GSDME: variants seen among roughly 807,000 people sequenced by gnomAD.
The protein encoded by GSDME is gasdermin-E.
GSDME carries 44 observed loss-of-function variants against 47.5 expected under a neutral mutation model. That is an observed-to-expected ratio of 0.93 (90% CI 0.73 to 1.19). The LOEUF is 1.19. Ranked by LOEUF, GSDME falls within the 50% of genes most tolerant of loss-of-function variation. The pLI is 0.00. For missense variants in GSDME, 663 were observed against 604.2 expected (o/e 1.10, Z -1.02); for synonymous variants, 258 against 252.8 (o/e 1.02, Z -0.20).
Position 24,744,920 on chromosome 7 carries a change from GCA to G in GSDME, c.212-168_212-167del, listed in dbSNP as rs1374766241. Among the ~76,000 whole-genome samples the G allele has an allele frequency of 2.1e-5, 2 of 93,056 alleles. No homozygotes were observed. The highest frequency in any genetic ancestry group is 4.2e-5 in the Non-Finnish European group (2 of 47,260). The allele number at this position is 93,056 out of a possible 152,430, so 61.0% of individuals were successfully genotyped here. On this transcript the variant is annotated intron_variant, in intron 2 of 9. Transcript: ENST00000645220. This position sits in a 1 kb window ranked among gnomAD's most constrained non-coding sequence, Gnocchi z 4.5. ...TGTGTGTGGGCAAGAAAACAGGGCA[GCA>G]CGTGTGTGTGTGTGTGTGTGTGTGT...
At position 24,749,663 on chromosome 7, in the gene GSDME, T is replaced by C; in HGVS notation, c.112A>G (p.Thr38Ala). Residue 38 changes from threonine to alanine, a missense_variant, in exon 2 of 10, where the codon ACA becomes GCA. Coordinates refer to ENST00000645220, the MANE Select transcript of GSDME (RefSeq NM_001127453.2). ...SDKLQLLSLV[T>A]KKKRFWCWQR... The stretch of plus-strand genomic sequence containing the variant: ...CAGCACCAGAATCTCTTCTTTTTTG[T>C]CACCAGACTTAGAAGCTGTAACTTA... 1.2e-6 allele frequency: 2 copies of C among 1,614,146 alleles called. No individual in the cohort carries two copies. The highest frequency in any genetic ancestry group is 3.3e-5 in the Admixed American group (2 of 60,024).
rs772906680 is a variant in GSDME, at chr7:24,715,563, A to ACATAG, written c.697+1686_697+1690dup. Reference sequence around the variant, plus strand: ...AGACTGGACAGGACCACCAAGGCAGACATAGGGGGGCTAGAAACCCAAAAG... The same window carrying ACATAG: ...AGACTGGACAGGACCACCAAGGCAGACATAGCATAGGGGGGCTAGAAACCCAAAAG... On this transcript the variant is annotated intron_variant, in intron 5 of 9. Transcript: ENST00000645220. 33 of 463,438 alleles carry ACATAG rather than the reference A, an allele frequency of 7.1e-5. 1 individual carries two copies. The highest frequency in any genetic ancestry group is 2.6e-4 in the Admixed American group (11 of 41,568). The allele number at this position is 463,438 out of a possible 1,614,324, so 28.7% of individuals were successfully genotyped here. A position where few individuals can be genotyped will look rare whatever the true frequency, so the allele number is the denominator to read the frequency against.
chr7:24,783,854 G>A, the GSDME span, among the ~76,000 whole-genome samples: 2 of 152,134 alleles, frequency 1.3e-5, no homozygotes, highest in African/African-American at 4.8e-5. Flanking sequence ...CATTTACTGA[G>A]ACAGAGAAGA....
the GSDME span, among the ~76,000 whole-genome samples, chr7:24,775,658 C>A: frequency 2.8e-4 from 43 of 151,362 alleles, no homozygotes; most frequent in Non-Finnish European, 4.6e-4. Flanking sequence ...GCGGATTGCT[C>A]GAGGTCAGGA....
At chr7:24,720,570 A>G (rs1440759398) in intron 3 of GSDME, among the ~76,000 whole-genome samples, 1 of 152,226 alleles carries the variant, frequency 6.6e-6, no homozygotes, top group African/African-American at 2.4e-5. Context: ...AGATGAATGG[A>G]GAAACAAAAT....
At chr7:24,707,241 A>G (rs1789147778) in intron 7 of GSDME, 1 of 463,664 alleles carries the variant, frequency 2.2e-6, no homozygotes, top group Admixed American at 2.5e-5. Context: ...AACTCCCTGC[A>G]TAATATAATA....
rs543066389 is a variant in GSDME, at chr7:24,728,837, G to C, written c.405-9619C>G. Among the ~76,000 whole-genome samples the C allele has an allele frequency of 6.6e-6, 1 of 152,182 alleles. No homozygotes were observed. Among genetic ancestry groups the C allele is most frequent in the African/African-American group, 2.4e-5 (1 of 41,436 alleles). ...AGAAACCTCAACTCCTGTGCCCTGGGCCTCCACTTCCAACACAGTGAGATA... is the reference window on the plus strand; with the variant it reads ...AGAAACCTCAACTCCTGTGCCCTGGCCCTCCACTTCCAACACAGTGAGATA... On this transcript the variant is annotated intron_variant, in intron 3 of 9. Coordinates refer to ENST00000645220, the MANE Select transcript of GSDME (RefSeq NM_001127453.2). This position sits in a 1 kb window ranked among gnomAD's most constrained non-coding sequence, Gnocchi z 7.2.
At chr7:24,703,657 G>A (rs186547178) in intron 8 of GSDME, 1 of 153,210 alleles carries the variant, frequency 6.5e-6, no homozygotes, top group Non-Finnish European at 1.5e-5. Context: ...AGCCTTATTT[G>A]TAAAGACAGT....
the GSDME span, among the ~76,000 whole-genome samples, chr7:24,767,094 C>T: frequency 5.3e-5 from 8 of 152,126 alleles, no homozygotes; most frequent in Admixed American, 4.6e-4. This position sits in a 1 kb window ranked among gnomAD's most constrained non-coding sequence, Gnocchi z 5.3. Context: ...GAGGCCAAAG[C>T]GGGGTGATCA....
intron 5 of GSDME, 67 bp downstream of exon 5, chr7:24,717,187 G>A (rs1360383125): frequency 1.6e-6 from 2 of 1,236,356 alleles, no homozygotes; most frequent in East Asian, 6.3e-5. Context: ...CTGGAAAGCA[G>A]TCAAGTCCCT....
chr7:24,790,402 T>C, the GSDME span, among the ~76,000 whole-genome samples: 28 of 152,292 alleles, frequency 1.8e-4, no homozygotes, highest in Admixed American at 7.8e-4. The surrounding 1 kb of genome is among the most constrained non-coding windows in gnomAD (Gnocchi z 4.1). Flanking sequence ...CAATTACCTA[T>C]AGCTATGCTT....
In GSDME at chr7:24,708,123, T is replaced by C. The variant is rs1324836916; in HGVS notation, c.990+4A>G. 2.5e-6 allele frequency: 4 copies of C among 1,614,030 alleles called. No individual in the cohort carries two copies. Among genetic ancestry groups the C allele is most frequent in the African/African-American group, 1.3e-5 (1 of 74,900 alleles). ...ACACTGCCTTGAGATGTCTCAGGGCTCACCACTGGTTCCAGGACCATGAGT... is the reference window on the plus strand; with the variant it reads ...ACACTGCCTTGAGATGTCTCAGGGCCCACCACTGGTTCCAGGACCATGAGT... On this transcript the variant is annotated splice_donor_region_variant and intron_variant, in intron 7 of 9. Coordinates refer to ENST00000645220, the MANE Select transcript of GSDME (RefSeq NM_001127453.2).
chr7:24,748,744 GA>G lies in GSDME; in HGVS notation c.211+819del, dbSNP rs372395333. 3.7e-3 allele frequency among the ~76,000 whole-genome samples: 565 copies of G among 152,166 alleles called. 4 individuals carry two copies. The highest frequency in any genetic ancestry group is 0.013 in the African/African-American group (553 of 41,500). On this transcript the variant is annotated intron_variant, in intron 2 of 9. Coordinates refer to ENST00000645220, the MANE Select transcript of GSDME (RefSeq NM_001127453.2). ...CAGGTGCTCTGTCCATGGTGTCAGT[GA>G]AAGCTCAAACCACATAAGCCCATCC...
At chr7:24,771,563 G>T in the GSDME span, among the ~76,000 whole-genome samples, 3 of 152,190 alleles carry the variant, frequency 2.0e-5, no homozygotes, top group Non-Finnish European at 2.9e-5. This position sits in a 1 kb window ranked among gnomAD's most constrained non-coding sequence, Gnocchi z 4.1. Context: ...CCACTTACTG[G>T]CTGTGTGACC....
chr7:24,762,096 A>T (rs1004431745), upstream of GSDME, among the ~76,000 whole-genome samples: 15 of 152,140 alleles, frequency 9.9e-5, no homozygotes, highest in Non-Finnish European at 1.8e-4. Context: ...TGTACTAAAA[A>T]TGCAAAAAAT....
upstream of GSDME, among the ~76,000 whole-genome samples, chr7:24,759,828 G>T (rs538490304): frequency 6.6e-6 from 1 of 152,278 alleles, no homozygotes; most frequent in Admixed American, 6.5e-5. Context: ...TGCTCTCCCT[G>T]TCCAATGGTG....
At chr7:24,731,879 A>T (rs1046714082) in intron 3 of GSDME, among the ~76,000 whole-genome samples, 6 of 151,956 alleles carry the variant, frequency 3.9e-5, no homozygotes, top group African/African-American at 1.2e-4. Context: ...TATTCCTTAA[A>T]CCCTCCCTCT....
At chr7:24,702,118 C>G (rs1788893938) in intron 9 of GSDME, among the ~76,000 whole-genome samples, 1 of 152,252 alleles carries the variant, frequency 6.6e-6, no homozygotes, top group Admixed American at 6.5e-5. Flanking sequence ...GCAAAAGCTA[C>G]ACAAGACTAG....
chr7:24,715,999 C>G (rs748745953), intron 5 of GSDME, among the ~76,000 whole-genome samples: 1 of 152,204 alleles, frequency 6.6e-6, no homozygotes, highest in Non-Finnish European at 1.5e-5. Flanking sequence ...CACGAGGACA[C>G]TGAGCATTCT....
Sources: allele counts gnomAD v4.1 joint callset (sites outside exome capture counted in the v4.1 genomes callset), GRCh38; gene constraint gnomAD v4.1.1; non-coding constraint Gnocchi (gnomAD v3.1); transcripts MANE v1.5; gene names NCBI Gene and HGNC (gene_info 2026-07-23, HGNC 2026-07-21).